MAF: variants seen among roughly 807,000 people sequenced by gnomAD.
The protein encoded by MAF is transcription factor Maf.
MAF carries 10 observed loss-of-function variants against 22.0 expected under a neutral mutation model. The ratio of observed to expected loss-of-function variants is 0.45; its 90% CI spans 0.28 to 0.77. The LOEUF (loss-of-function observed/expected upper bound fraction) is 0.77, where lower values mean the gene tolerates loss of function less well. MAF is among the 30% of genes least tolerant of loss of function. The probability of loss-of-function intolerance (pLI) is 0.12; values close to 1 mark genes in which losing one functional copy is unlikely to be tolerated. For missense variants in MAF, 544 were observed against 548.4 expected, an observed-to-expected ratio of 0.99 and a Z score of 0.08; for synonymous variants, 337 against 255.8, an observed-to-expected ratio of 1.32 and a Z score of -3.03.
At chr16:79,282,584 G>C in the MAF span, among the ~76,000 whole-genome samples, 5 of 152,170 alleles carry the variant, frequency 3.3e-5, no homozygotes, top group Admixed American at 1.3e-4. Flanking sequence ...TTCCCCAAAG[G>C]CTACGGTAAC....
the MAF span, among the ~76,000 whole-genome samples, chr16:79,427,854 G>C: frequency 6.6e-6 from 1 of 152,070 alleles, no homozygotes; most frequent in Non-Finnish European, 1.5e-5. Flanking sequence ...ATTTTATACA[G>C]CTCTGTGCCT....
At chr16:79,313,507 C>G in the MAF span, among the ~76,000 whole-genome samples, 2 of 152,152 alleles carry the variant, frequency 1.3e-5, no homozygotes, top group African/African-American at 4.8e-5. Context: ...TCCCATCACC[C>G]AAAGAGAACA....
At chr16:79,231,603 A>C in the MAF span, among the ~76,000 whole-genome samples, 5 of 151,974 alleles carry the variant, frequency 3.3e-5, no homozygotes, top group Admixed American at 6.6e-5. Context: ...CCCATCCCTT[A>C]AAAGGGGTTC....
At chr16:79,451,426 C>T in the MAF span, among the ~76,000 whole-genome samples, 1 of 152,214 alleles carries the variant, frequency 6.6e-6, no homozygotes, top group Non-Finnish European at 1.5e-5. Context: ...CACTTCCCTT[C>T]CCGTTTACCA....
At chr16:79,320,652 T>C in the MAF span, among the ~76,000 whole-genome samples, 2 of 152,242 alleles carry the variant, frequency 1.3e-5, no homozygotes, top group Non-Finnish European at 2.9e-5. Flanking sequence ...AATGAATGAA[T>C]GTGCCTCCAG....
At chr16:79,458,769 C>G in the MAF span, among the ~76,000 whole-genome samples, 3 of 152,118 alleles carry the variant, frequency 2.0e-5, no homozygotes, top group East Asian at 3.9e-4. Flanking sequence ...CGTAATGTAA[C>G]CCTTTGCATT....
At chr16:79,596,799 TA>T (rs577891567) in intron 1 of MAF, 3 of 1,048,314 alleles carry the variant, frequency 2.9e-6, no homozygotes, top group Non-Finnish European at 3.5e-6. Context: ...AATACAACTG[TA>T]AAAAAATCTG....
chr16:79,455,373 A>T, the MAF span, among the ~76,000 whole-genome samples: 1 of 152,182 alleles, frequency 6.6e-6, no homozygotes, highest in South Asian at 2.1e-4. Flanking sequence ...ATGAATTATT[A>T]GGTGCTCTGA....
the MAF span, among the ~76,000 whole-genome samples, chr16:79,247,408 C>T: frequency 6.6e-6 from 1 of 152,214 alleles, no homozygotes; most frequent in African/African-American, 2.4e-5. Flanking sequence ...TGCCGATGAT[C>T]TCAATGGCTT....
chr16:79,362,051 G>C, the MAF span, among the ~76,000 whole-genome samples: 1 of 152,098 alleles, frequency 6.6e-6, no homozygotes, highest in African/African-American at 2.4e-5. Context: ...AACTCTCTGG[G>C]TTTATAATCC....
chr16:79,495,080 GTTC>G, the MAF span, among the ~76,000 whole-genome samples: 1 of 152,116 alleles, frequency 6.6e-6, no homozygotes, highest in Non-Finnish European at 1.5e-5. Context: ...CAACCTAGAA[GTTC>G]TCTAAACCAG....
the MAF span, among the ~76,000 whole-genome samples, chr16:79,395,472 G>T: frequency 6.6e-6 from 1 of 152,180 alleles, no homozygotes; most frequent in East Asian, 1.9e-4. Context: ...AGATCATAAT[G>T]GAGGAGGGTG....
chr16:79,283,933 G>A, the MAF span, among the ~76,000 whole-genome samples: 5 of 133,110 alleles, frequency 3.8e-5, no homozygotes, highest in Non-Finnish European at 7.7e-5. Context: ...TTCCATTTAA[G>A]TGAAACCATA....
chr16:79,483,935 C>A, the MAF span, among the ~76,000 whole-genome samples: 1 of 152,152 alleles, frequency 6.6e-6, no homozygotes, highest in African/African-American at 2.4e-5. Flanking sequence ...GAATGTGTTA[C>A]CCCTCCTGGT....
At chr16:79,391,899 C>T in the MAF span, among the ~76,000 whole-genome samples, 1 of 48,408 alleles carries the variant, frequency 2.1e-5, no homozygotes, top group South Asian at 4.6e-4. Context: ...GGAGGAGGAG[C>T]AGGAGGAGGA....
chr16:79,359,087 G>A, the MAF span, among the ~76,000 whole-genome samples: 13 of 152,184 alleles, frequency 8.5e-5, no homozygotes, highest in African/African-American at 2.9e-4. Context: ...AGGCATCCCC[G>A]GAAGCTGGCA....
the MAF span, among the ~76,000 whole-genome samples, chr16:79,337,463 G>C: frequency 6.6e-6 from 1 of 152,156 alleles, no homozygotes; most frequent in African/African-American, 2.4e-5. Context: ...AGCTACTCAG[G>C]AGGCTGAGGC....
the MAF span, among the ~76,000 whole-genome samples, chr16:79,527,691 G>T: frequency 7.2e-5 from 11 of 152,296 alleles, no homozygotes; most frequent in African/African-American, 2.4e-4. Flanking sequence ...AGTGAAGCTT[G>T]TGAGGGTGTG....
At chr16:79,279,892 G>A in the MAF span, among the ~76,000 whole-genome samples, 1 of 152,122 alleles carries the variant, frequency 6.6e-6, no homozygotes, top group South Asian at 2.1e-4. Context: ...TCATAAAAAG[G>A]CAATCTAAAT....
Sources: gnomAD v4.1 joint callset for allele counts (sites outside exome capture counted in the v4.1 genomes callset) on GRCh38, gnomAD v4.1.1 for gene constraint, MANE v1.5 for transcripts, NCBI Gene and HGNC (gene_info 2026-07-23, HGNC 2026-07-21) for gene names.